Variants in PRKCB observed in about 807,000 individuals in gnomAD.
PRKCB encodes the protein protein kinase C beta.
PRKCB carries 13 observed loss-of-function variants against 81.5 expected under a neutral mutation model. The observed-to-expected ratio is 0.16, with a 90% confidence interval of 0.10 to 0.25. The LOEUF is 0.25. Among genes scored for constraint, PRKCB ranks in the 10% least tolerant of loss-of-function variants. The pLI, the probability that PRKCB is intolerant of heterozygous loss-of-function variation, is 1.00. For synonymous variants in PRKCB, 335 were observed against 321.4 expected, an observed-to-expected ratio of 1.04 and a Z score of -0.45; for missense variants, 509 against 875.7, an observed-to-expected ratio of 0.58 and a Z score of 5.29.
At chr16:23,959,257 G>A (rs1382870133) in intron 2 of PRKCB, among the ~76,000 whole-genome samples, 1 of 152,164 alleles carries the variant, frequency 6.6e-6, no homozygotes, top group Non-Finnish European at 1.5e-5. Flanking sequence ...AGGTGTTATG[G>A]TGATTCGTCA....
chr16:23,901,395 C>T (rs764983141), intron 2 of PRKCB, among the ~76,000 whole-genome samples: 4 of 151,992 alleles, frequency 2.6e-5, no homozygotes, highest in Non-Finnish European at 4.4e-5. Context: ...GGGAGTATGT[C>T]GGCATTTAGA....
chr16:24,134,609 C>T (rs618404), intron 9 of PRKCB, among the ~76,000 whole-genome samples: 54,813 of 151,888 alleles, frequency 0.36, 10,029 homozygotes, highest in South Asian at 0.47. Context: ...ATTAGCCGGG[C>T]GTGGTGGCGC....
intron 7 of PRKCB, among the ~76,000 whole-genome samples, chr16:24,096,665 AAAT>A (rs1221538658): frequency 5.6e-4 from 22 of 39,294 alleles, no homozygotes; most frequent in African/African-American, 2.1e-3. Context: ...AAAAAAAAAA[AAAT>A]ATATATATAT....
intron 2 of PRKCB, among the ~76,000 whole-genome samples, chr16:23,860,992 T>G (rs981772480): frequency 2.6e-5 from 4 of 152,170 alleles, no homozygotes; most frequent in Admixed American, 6.5e-5. Flanking sequence ...AACATCTTTC[T>G]AATGCATGCA....
At chr16:24,049,056 T>TG (rs1414763457) in intron 5 of PRKCB, among the ~76,000 whole-genome samples, 1 of 135,526 alleles carries the variant, frequency 7.4e-6, no homozygotes, top group Admixed American at 7.4e-5. Context: ...TGTTTTTTTT[T>TG]TTTTTTTTTT....
Position 24,215,222 on chromosome 16 carries a change from C to T in PRKCB, c.*406C>T, listed in dbSNP as rs1968207986. 1 of 1,005,304 alleles carries T rather than the reference C, an allele frequency of 9.9e-7. No individual in the cohort carries two copies. The highest frequency in any genetic ancestry group is 1.2e-6 in the Non-Finnish European group (1 of 841,398). The allele number at this position is 1,005,304 out of a possible 1,614,324, so 62.3% of individuals were successfully genotyped here. ...TTCCACTTCCGGGCCTGGAGCTTGG[C>T]TTGTATCCAAGTGTATGGTTGCTTT... On this transcript the variant is annotated 3_prime_UTR_variant, in exon 17 of 17. Transcript: ENST00000643927.
intron 16 of PRKCB, chr16:24,203,131 G>A (rs761795261): frequency 6.6e-6 from 1 of 151,958 alleles, no homozygotes; most frequent in African/African-American, 2.4e-5. Flanking sequence ...GGGTGACTAA[G>A]GCAGGATTGC....
chr16:23,961,177 GGA>G (rs1299736576), intron 2 of PRKCB, among the ~76,000 whole-genome samples: 1 of 151,990 alleles, frequency 6.6e-6, no homozygotes, highest in African/African-American at 2.4e-5. Flanking sequence ...CGAAGTGCTG[GGA>G]TTACAGGCGT....
At position 24,167,562 on chromosome 16, in the gene PRKCB, A is replaced by G. The variant is rs1003796298; in HGVS notation, c.1240-4708A>G. Among the ~76,000 whole-genome samples, 9 of 143,766 alleles carry G rather than the reference A, an allele frequency of 6.3e-5. 1 individual carries two copies. Among genetic ancestry groups the G allele is most frequent in the African/African-American group, 1.6e-4 (6 of 37,906 alleles). The allele number at this position is 143,766 out of a possible 152,430, so 94.3% of individuals were successfully genotyped here. ...GCGACAGAGTGAGACCCTGCCACAG[A>G]AAAAAAAAAACAAAAAAATTGGTTA... On this transcript the variant is annotated intron_variant, in intron 10 of 16. Transcript: ENST00000643927.
At chr16:24,007,831 T>A (rs1965146741) in intron 3 of PRKCB, among the ~76,000 whole-genome samples, 1 of 152,262 alleles carries the variant, frequency 6.6e-6, no homozygotes, top group Non-Finnish European at 1.5e-5. Flanking sequence ...GCAGATGGCC[T>A]TGGAGATAGG....
At position 23,836,097 on chromosome 16, in the gene PRKCB, C is replaced by A; in HGVS notation, c.-79C>A. On this transcript the variant is annotated 5_prime_UTR_variant, in exon 1 of 17. Transcript: ENST00000643927. ...GGGTGCAGCAGCGGCCGCCGCCTCCCGCGCCTCCCCGGCCCGCAGCCCGCG... is the reference window on the plus strand; with the variant it reads ...GGGTGCAGCAGCGGCCGCCGCCTCCAGCGCCTCCCCGGCCCGCAGCCCGCG... The A allele has an allele frequency of 9.8e-7, 1 of 1,025,020 alleles. No individual in the cohort carries two copies. Among genetic ancestry groups the A allele is most frequent in the South Asian group, 4.5e-5 (1 of 22,074 alleles). 63.5% of individuals were successfully genotyped at this position (1,025,020 alleles called of 1,614,324 possible).
intron 2 of PRKCB, among the ~76,000 whole-genome samples, chr16:23,853,979 T>TTTTTTTTTTTTTTTTTTTTTTTGAGACGG (rs1362156512): frequency 6.8e-6 from 1 of 146,796 alleles, no homozygotes; most frequent in Non-Finnish European, 1.5e-5. Flanking sequence ...AGGCACTTCT[T>TTTTTTTTTTTTTTTTTTTTTTTGAGACGG]ACATGGCAGC....
intron 9 of PRKCB, among the ~76,000 whole-genome samples, chr16:24,142,138 G>C (rs1414777023): frequency 6.6e-6 from 1 of 152,144 alleles, no homozygotes; most frequent in African/African-American, 2.4e-5. Context: ...ACTCAGAGAG[G>C]TTGAGTAACT....
At chr16:23,966,013 C>T (rs189871948) in intron 2 of PRKCB, among the ~76,000 whole-genome samples, 15 of 152,292 alleles carry the variant, frequency 9.8e-5, no homozygotes, top group East Asian at 1.9e-4. Context: ...TTTACACATT[C>T]GTTACAGCAA....
chr16:24,035,611 G>A, intron 5 of PRKCB, 64 bp downstream of exon 5: 4 of 1,540,356 alleles, frequency 2.6e-6, no homozygotes, highest in Non-Finnish European at 3.5e-6. Context: ...GAGAAGGGGA[G>A]GGTGGCGGAG....
rs563797913 is a variant in PRKCB at position 24,133,035 on chromosome 16, G to A, written c.1065+9054G>A. Among the ~76,000 whole-genome samples the A allele has an allele frequency of 2.9e-4, 44 of 152,168 alleles. No homozygotes were observed. In the South Asian group the frequency reaches 6.9e-3, roughly 24 times the overall value. On this transcript the variant is annotated intron_variant, in intron 9 of 16. Coordinates refer to ENST00000643927, the MANE Select transcript of PRKCB (RefSeq NM_002738.7). Reference sequence around the variant, plus strand: ...GGAATGTCACAAACATATTCTAGGAGGTTAGTCATTTTTCCCTCTTATTTT... The same window carrying A: ...GGAATGTCACAAACATATTCTAGGAAGTTAGTCATTTTTCCCTCTTATTTT...
chr16:23,848,783 G>T (rs1270977732), intron 2 of PRKCB, among the ~76,000 whole-genome samples: 1 of 152,170 alleles, frequency 6.6e-6, no homozygotes, highest in South Asian at 2.1e-4. Context: ...TAGCTAAAAG[G>T]ATATAATAAT....
chr16:24,118,525 G>A (rs1183242034), intron 8 of PRKCB, among the ~76,000 whole-genome samples: 1 of 152,188 alleles, frequency 6.6e-6, no homozygotes, highest in South Asian at 2.1e-4. Context: ...GTTCCTTGTA[G>A]GGGTGGAGTG....
At chr16:23,913,810 G>T (rs1963697218) in intron 2 of PRKCB, among the ~76,000 whole-genome samples, 1 of 152,114 alleles carries the variant, frequency 6.6e-6, no homozygotes, top group Non-Finnish European at 1.5e-5. Flanking sequence ...GTGATGTTTG[G>T]CTGTATGCTC....
Sources: allele counts gnomAD v4.1 joint callset (sites outside exome capture counted in the v4.1 genomes callset), GRCh38; gene constraint gnomAD v4.1.1; transcripts MANE v1.5; gene names NCBI Gene and HGNC (gene_info 2026-07-23, HGNC 2026-07-21).